The following CRYZ variants were observed in gnomAD, a reference collection of about 807,000 sequenced individuals.
The protein encoded by CRYZ is crystallin zeta, also known as zeta-crystallin.
In CRYZ, 35 loss-of-function variants were observed where a neutral mutation model predicts 34.1. The ratio of observed to expected loss-of-function variants is 1.03; its 90% CI spans 0.78 to 1.36. CRYZ has a LOEUF of 1.36. Ranked by LOEUF, CRYZ falls within the 40% of genes most tolerant of loss-of-function variation. The pLI is 0.00. For synonymous variants in CRYZ, 137 were observed against 136.5 expected, an observed-to-expected ratio of 1.00 and a Z score of -0.03; for missense variants, 403 against 391.8, an observed-to-expected ratio of 1.03 and a Z score of -0.24.
In CRYZ at chr1:74,707,143, C is replaced by T; in HGVS notation, c.692G>A (p.Ser231Asn). The change falls in exon 7 of 9, where the codon AGT becomes AAT. Residue 231 changes from serine (S) to asparagine (N), a missense_variant. Transcript: ENST00000340866. ...IIEMLANVNL[S>N]KDLSLLSHGG... is the part of the protein sequence containing the mutation. ...ATGTGACAGAAGACTCAAGTCTTTACTAAGATTTACATTAGCTAACATTTC... is the reference window on the plus strand; with the variant it reads ...ATGTGACAGAAGACTCAAGTCTTTATTAAGATTTACATTAGCTAACATTTC... 1 of 1,588,400 alleles carries T rather than the reference C, an allele frequency of 6.3e-7. No homozygotes were observed. Among genetic ancestry groups the T allele is most frequent in the South Asian group, 1.2e-5 (1 of 86,712 alleles).
chr1:74,729,312 C>T (rs546808793), intron 1 of CRYZ, among the ~76,000 whole-genome samples: 2 of 151,604 alleles, frequency 1.3e-5, no homozygotes, highest in South Asian at 2.1e-4. Flanking sequence ...GTGCTAGAGA[C>T]GTGGCAAGCA....
At chr1:74,727,177 C>T (rs566308669) in intron 1 of CRYZ, among the ~76,000 whole-genome samples, 1 of 95,308 alleles carries the variant, frequency 1.0e-5, no homozygotes, top group South Asian at 2.8e-4. Context: ...ATCTTTACAG[C>T]AGTACCCCAC....
intron 6 of CRYZ, 78 bp downstream of exon 6, chr1:74,710,020 G>T: frequency 1.6e-6 from 2 of 1,241,728 alleles, no homozygotes; most frequent in Non-Finnish European, 1.1e-6. Context: ...AGGAGTAGTT[G>T]GTTAAAAACA....
At chr1:74,707,336 C>T (rs1646944462) in intron 6 of CRYZ, 132 bp from the exon 7 acceptor site, 4 of 581,146 alleles carry the variant, frequency 6.9e-6, no homozygotes, top group East Asian at 6.4e-5. Context: ...ACTAATAATG[C>T]AAAATTTTAA....
chr1:74,722,212 A>T (rs1647175184), intron 3 of CRYZ, among the ~76,000 whole-genome samples: 1 of 152,110 alleles, frequency 6.6e-6, no homozygotes, highest in Admixed American at 6.6e-5. Flanking sequence ...CCCAGAAAGG[A>T]GGGGGAGAGG....
intron 6 of CRYZ, among the ~76,000 whole-genome samples, chr1:74,709,079 G>T (rs1646967876): frequency 6.6e-6 from 1 of 152,114 alleles, no homozygotes; most frequent in Non-Finnish European, 1.5e-5. Flanking sequence ...GCAGTGAGAA[G>T]TGGTGGAAGG....
intron 5 of CRYZ, among the ~76,000 whole-genome samples, chr1:74,711,834 A>G (rs1325346385): frequency 6.6e-6 from 1 of 152,210 alleles, no homozygotes; most frequent in Non-Finnish European, 1.5e-5. Context: ...ATGTTCAGCA[A>G]TCAGTTGAAT....
intron 3 of CRYZ, among the ~76,000 whole-genome samples, chr1:74,719,654 C>A (rs950675788): frequency 1.7e-4 from 26 of 151,894 alleles, no homozygotes; most frequent in African/African-American, 6.3e-4. Flanking sequence ...CACCACCACA[C>A]CCGGCTGATT....
In CRYZ at chr1:74,719,291, T is replaced by G; in HGVS notation, c.346A>C (p.Lys116Gln). The G allele has an allele frequency of 6.2e-7, 1 of 1,613,952 alleles. No individual in the cohort carries two copies. The highest frequency in any genetic ancestry group is 2.2e-5 in the East Asian group (1 of 44,878). The change falls in exon 4 of 9, where the codon AAA becomes CAA. Residue 116 changes from lysine to glutamine, a missense_variant. Physicochemically the swap from Lys to Gln is moderately conservative, Grantham distance 53 (BLOSUM62 1). Coordinates refer to ENST00000340866, the MANE Select transcript of CRYZ (RefSeq NM_001889.4). ...YALAADHTVY[K>Q]LPEKLDFKQG... ...TTAAAGTCCAGTTTTTCAGGTAGTT[T>G]GTAAACAGTGTGGTCTGCTGCAAGA...
intron 5 of CRYZ, 49 bp from the exon 6 acceptor site, chr1:74,710,296 A>G: frequency 6.4e-7 from 1 of 1,557,758 alleles, no homozygotes; most frequent in Non-Finnish European, 8.7e-7. Flanking sequence ...ACACTCCTGT[A>G]AACACTTAAA....
rs200579063 is a variant in CRYZ, at chr1:74,714,599, C to A, written c.460G>T (p.Val154Phe). 1.9e-6 allele frequency: 3 copies of A among 1,613,718 alleles called. No individual in the cohort carries two copies. The highest frequency in any genetic ancestry group is 2.5e-6 in the Non-Finnish European group (3 of 1,179,772). The stretch of plus-strand genomic sequence containing the variant: ...CTTACTCCTCCACTTGCCCCATGAA[C>A]CAGAACACTCTCTCCAGCTTTCACA... ...ACVKAGESVL[V>F]HGASGGVGLA... Residue 154 changes from valine to phenylalanine, a missense_variant, in exon 5 of 9, where the codon GTT (valine) becomes TTT (phenylalanine). Val to Phe is a conservative substitution (Grantham distance 50, BLOSUM62 -1). Coordinates refer to ENST00000340866, the MANE Select transcript of CRYZ (RefSeq NM_001889.4).
chr1:74,716,625 T>C (rs989193478), intron 4 of CRYZ, among the ~76,000 whole-genome samples: 2 of 152,184 alleles, frequency 1.3e-5, no homozygotes, highest in Non-Finnish European at 2.9e-5. Context: ...AAATATCAGA[T>C]GCCAATAACC....
chr1:74,730,980 T>TA lies in CRYZ; in HGVS notation c.-14+1975dup, dbSNP rs202223413. Reference sequence around the variant, plus strand: ...ACATGATTCTATTTTTAAAAATGTATAAAAAAAAATTACTCCCTAGCATCG... The same window carrying TA: ...ACATGATTCTATTTTTAAAAATGTATAAAAAAAAAATTACTCCCTAGCATCG... On this transcript the variant is annotated intron_variant, in intron 1 of 8. Coordinates refer to ENST00000340866, the MANE Select transcript of CRYZ (RefSeq NM_001889.4). 1.6e-3 allele frequency among the ~76,000 whole-genome samples: 244 copies of TA among 151,746 alleles called. 1 individual carries two copies. Among genetic ancestry groups the TA allele is most frequent in the Admixed American group, 4.5e-3 (68 of 15,236 alleles).
At chr1:74,713,769 T>G (rs1261183751) in intron 5 of CRYZ, among the ~76,000 whole-genome samples, 1 of 152,158 alleles carries the variant, frequency 6.6e-6, no homozygotes, top group Non-Finnish European at 1.5e-5. Context: ...GTTAACAGCC[T>G]CCTCAAAGTA....
chr1:74,732,248 A>G (rs1465972902), intron 1 of CRYZ, among the ~76,000 whole-genome samples: 1 of 139,774 alleles, frequency 7.2e-6, no homozygotes, highest in Non-Finnish European at 1.5e-5. Flanking sequence ...AATCCCCTAC[A>G]GCTGGGCTGT....
chr1:74,730,805 A>G (rs554684888), intron 1 of CRYZ, among the ~76,000 whole-genome samples: 17 of 152,302 alleles, frequency 1.1e-4, no homozygotes, highest in Non-Finnish European at 1.8e-4. Context: ...TAAACTTTAC[A>G]ATAGTGATAG....
intron 4 of CRYZ, among the ~76,000 whole-genome samples, chr1:74,716,234 T>G: frequency 6.6e-6 from 1 of 151,896 alleles, no homozygotes; most frequent in South Asian, 2.1e-4. Flanking sequence ...ACAGAGTGAC[T>G]GATTCTTAAG....
intron 6 of CRYZ, chr1:74,707,448 T>C (rs996624327): frequency 3.9e-6 from 1 of 258,570 alleles, no homozygotes; most frequent in Non-Finnish European, 7.2e-6. Context: ...GAAATAAAGT[T>C]TGTCTGGAAT....
rs148646673 is a variant in CRYZ, at chr1:74,718,163, C to G, written c.428+1046G>C. 4.9e-3 allele frequency among the ~76,000 whole-genome samples: 748 copies of G among 152,170 alleles called. 7 individuals carry two copies. The highest frequency in any genetic ancestry group is 0.017 in the African/African-American group (700 of 41,540). Reference sequence around the variant, plus strand: ...GACTACTCTTAAGTTCTTCCTCATTCTCTACCTGAAAATAATCACCAAATA... The same window carrying G: ...GACTACTCTTAAGTTCTTCCTCATTGTCTACCTGAAAATAATCACCAAATA... On this transcript the variant is annotated intron_variant, in intron 4 of 8. Coordinates refer to ENST00000340866, the MANE Select transcript of CRYZ (RefSeq NM_001889.4).
Sources: gnomAD v4.1 joint callset for allele counts (sites outside exome capture counted in the v4.1 genomes callset) on GRCh38, gnomAD v4.1.1 for gene constraint, MANE v1.5 for transcripts, NCBI Gene and HGNC (gene_info 2026-07-23, HGNC 2026-07-21) for gene names.